Variants in PTPN1 observed in about 807,000 individuals in gnomAD.
The protein encoded by PTPN1 is protein tyrosine phosphatase non-receptor type 1.
Under a neutral mutation model 59.9 loss-of-function variants are expected in PTPN1, and 12 were observed. The ratio of observed to expected loss-of-function variants is 0.20; its 90% CI spans 0.13 to 0.32. PTPN1 has a LOEUF of 0.32. Ranked by LOEUF, PTPN1 falls within the 10% of genes least tolerant of loss-of-function variation. PTPN1 has a pLI of 1.00. For missense variants in PTPN1, 356 were observed against 549.2 expected (o/e 0.65, Z 3.52); for synonymous variants, 178 against 203.6 (o/e 0.87, Z 1.07).
chr20:50,533,817 G>GTTCC (rs1163832765), intron 1 of PTPN1, among the ~76,000 whole-genome samples: 4 of 152,148 alleles, frequency 2.6e-5, no homozygotes, highest in African/African-American at 7.2e-5. Context: ...ACTCCAGATT[G>GTTCC]TTCCACAAGT....
intron 1 of PTPN1, among the ~76,000 whole-genome samples, chr20:50,535,328 C>T (rs1041615597): frequency 2.0e-5 from 3 of 152,094 alleles, no homozygotes; most frequent in Non-Finnish European, 4.4e-5. Context: ...GCGCATGCTC[C>T]ACATTCTGTC....
rs371287490 is a variant in PTPN1, at chr20:50,510,600, C to G, written c.63+10C>G. 3.2e-6 allele frequency: 5 copies of G among 1,547,750 alleles called. No individual in the cohort carries two copies. The highest frequency in any genetic ancestry group is 1.4e-5 in the African/African-American group (1 of 72,634). The stretch of plus-strand genomic sequence containing the variant: ...GGCGGCCATTTACCAGGTGCGGGAG[C>G]GCCCCGGAGCGTGGCGGGCCCTTCG... On this transcript the variant is annotated intron_variant, in intron 1 of 9. Transcript: ENST00000371621.
At chr20:50,517,477 T>C (rs917684998) in intron 1 of PTPN1, among the ~76,000 whole-genome samples, 11 of 152,200 alleles carry the variant, frequency 7.2e-5, no homozygotes, top group African/African-American at 2.7e-4. Context: ...CAGGCTGGTC[T>C]TGAACTCCTG....
chr20:50,535,306 C>G (rs762609616), intron 1 of PTPN1, among the ~76,000 whole-genome samples: 2 of 152,224 alleles, frequency 1.3e-5, no homozygotes, highest in Middle Eastern at 3.4e-3. Flanking sequence ...GCCAGGTCCC[C>G]GTACACCTGC....
At chr20:50,531,202 C>A (rs924670446) in intron 1 of PTPN1, among the ~76,000 whole-genome samples, 4 of 152,172 alleles carry the variant, frequency 2.6e-5, no homozygotes, top group African/African-American at 9.7e-5. Flanking sequence ...ACCACACTCA[C>A]CAGCTTTCAT....
chr20:50,547,653 C>A (rs995135744), intron 1 of PTPN1, among the ~76,000 whole-genome samples: 2 of 152,226 alleles, frequency 1.3e-5, no homozygotes, highest in South Asian at 2.1e-4. Context: ...TGAGCCACTG[C>A]ACCCGGCCGT....
At chr20:50,559,458 C>G (rs1270550675) in intron 1 of PTPN1, among the ~76,000 whole-genome samples, 4 of 152,116 alleles carry the variant, frequency 2.6e-5, no homozygotes, top group Non-Finnish European at 4.4e-5. Context: ...ACTGTTTTTT[C>G]TTCCCAGAAA....
At chr20:50,560,072 G>T (rs1368124638) in intron 1 of PTPN1, among the ~76,000 whole-genome samples, 16 of 152,186 alleles carry the variant, frequency 1.1e-4, no homozygotes, top group Admixed American at 5.2e-4. Flanking sequence ...CCTTTTGGTT[G>T]TGCCTTTTGT....
intron 1 of PTPN1, among the ~76,000 whole-genome samples, chr20:50,515,454 A>T (rs979164980): frequency 2.7e-5 from 4 of 150,294 alleles, no homozygotes; most frequent in East Asian, 3.9e-4. Flanking sequence ...CTTTACAAAC[A>T]TTTTTTTTTT....
intron 1 of PTPN1, among the ~76,000 whole-genome samples, chr20:50,540,089 C>G (rs2082644138): frequency 6.6e-6 from 1 of 151,988 alleles, no homozygotes; most frequent in Non-Finnish European, 1.5e-5. Context: ...GAGTTTCGCT[C>G]TTGTTGCCCA....
At chr20:50,564,626 C>A (rs1013657797) in intron 2 of PTPN1, among the ~76,000 whole-genome samples, 1 of 152,004 alleles carries the variant, frequency 6.6e-6, no homozygotes, top group Non-Finnish European at 1.5e-5. Context: ...GAGAACAGAT[C>A]CTTTGATGCC....
At chr20:50,514,867 A>G (rs1294032249) in intron 1 of PTPN1, among the ~76,000 whole-genome samples, 4 of 152,130 alleles carry the variant, frequency 2.6e-5, no homozygotes, top group Non-Finnish European at 4.4e-5. Context: ...CCATGTTCAC[A>G]TTTTGAGTAT....
intron 1 of PTPN1, among the ~76,000 whole-genome samples, chr20:50,560,011 C>T (rs962148471): frequency 3.9e-5 from 6 of 152,042 alleles, no homozygotes; most frequent in Non-Finnish European, 7.4e-5. Context: ...GTCAACACTG[C>T]GCTGGCCTCA....
chr20:50,557,527 A>C (rs2082731089), intron 1 of PTPN1, among the ~76,000 whole-genome samples: 1 of 151,756 alleles, frequency 6.6e-6, no homozygotes, highest in African/African-American at 2.4e-5. Flanking sequence ...CCAATGTTTT[A>C]CCTTTTGGTT....
At chr20:50,551,546 C>G (rs956556795) in intron 1 of PTPN1, among the ~76,000 whole-genome samples, 5 of 152,188 alleles carry the variant, frequency 3.3e-5, no homozygotes, top group Admixed American at 6.5e-5. Context: ...CATGATCAGG[C>G]GTGCACTCTG....
chr20:50,552,654 A>G (rs888986163), intron 1 of PTPN1, among the ~76,000 whole-genome samples: 9 of 151,396 alleles, frequency 5.9e-5, no homozygotes, highest in Non-Finnish European at 1.2e-4. Context: ...GGGTAATATA[A>G]TGAGACCTCA....
intron 8 of PTPN1, among the ~76,000 whole-genome samples, chr20:50,580,696 C>G (rs1440021628): frequency 6.6e-6 from 1 of 152,158 alleles, no homozygotes; most frequent in Non-Finnish European, 1.5e-5. Context: ...CAGTTGTATA[C>G]ATGGAGAAAT....
chr20:50,527,473 A>G (rs985277953), intron 1 of PTPN1, among the ~76,000 whole-genome samples: 1 of 151,868 alleles, frequency 6.6e-6, no homozygotes, highest in Non-Finnish European at 1.5e-5. Context: ...CCTCCTGAGT[A>G]GCTGGGATTA....
chr20:50,568,099 G>C lies in PTPN1; in HGVS notation c.256-281G>C, dbSNP rs1326389479. Among the ~76,000 whole-genome samples, 1 of 152,252 alleles carries C rather than the reference G, an allele frequency of 6.6e-6. No homozygotes were observed. The highest frequency in any genetic ancestry group is 1.5e-5 in the Non-Finnish European group (1 of 68,050). ...CGAATCTCAGTGGAGGCCCTTAGCG[G>C]GCCTGCCTGAGCCAGAAAGCAGAAT... On this transcript the variant is annotated intron_variant, in intron 3 of 9. Transcript: ENST00000371621. The surrounding 1 kb of genome is among the most constrained non-coding windows in gnomAD (Gnocchi z 5.6).
Sources: gnomAD v4.1 joint callset for allele counts (sites outside exome capture counted in the v4.1 genomes callset) on GRCh38, gnomAD v4.1.1 for gene constraint, Gnocchi (gnomAD v3.1) non-coding constraint, MANE v1.5 for transcripts, NCBI Gene and HGNC (gene_info 2026-07-23, HGNC 2026-07-21) for gene names.